ASCC3: variants seen among roughly 807,000 people sequenced by gnomAD.
ASCC3 encodes activating signal cointegrator 1 complex subunit 3.
Under a neutral mutation model 256.3 loss-of-function variants are expected in ASCC3, and 158 were observed. That is an observed-to-expected ratio of 0.62 (90% CI 0.54 to 0.70). The LOEUF (loss-of-function observed/expected upper bound fraction) is 0.70, where lower values mean the gene tolerates loss of function less well. ASCC3 is among the 30% of genes least tolerant of loss of function. ASCC3 has a pLI of 0.00. For missense variants in ASCC3, 2,259 were observed against 2,626.0 expected (o/e 0.86, Z 3.05); for synonymous variants, 948 against 883.4 (o/e 1.07, Z -1.30).
At chr6:100,614,371 A>C (rs1773554333) in intron 30 of ASCC3, among the ~76,000 whole-genome samples, 1 of 150,044 alleles carries the variant, frequency 6.7e-6, no homozygotes, top group Non-Finnish European at 1.5e-5. Context: ...CTCTCAACAA[A>C]GAGAACCTAT....
At chr6:100,824,642 C>A (rs990696638) in intron 4 of ASCC3, among the ~76,000 whole-genome samples, 2 of 151,866 alleles carry the variant, frequency 1.3e-5, no homozygotes, top group East Asian at 3.9e-4. Context: ...CTCCCCTGTT[C>A]AATAATTTTA....
At chr6:100,542,405 G>A (rs956566761) in intron 36 of ASCC3, among the ~76,000 whole-genome samples, 1 of 152,108 alleles carries the variant, frequency 6.6e-6, no homozygotes, top group Non-Finnish European at 1.5e-5. Flanking sequence ...CTGTCGGGCC[G>A]GGCGCGGTGG....
chr6:100,571,876 C>T (rs1465982177), intron 36 of ASCC3, among the ~76,000 whole-genome samples: 1 of 152,188 alleles, frequency 6.6e-6, no homozygotes, highest in South Asian at 2.1e-4. Flanking sequence ...TGGAATATGG[C>T]AGTCAGTGAA....
chr6:100,874,308 A>C (rs1389036869), intron 1 of ASCC3, among the ~76,000 whole-genome samples: 2 of 152,070 alleles, frequency 1.3e-5, no homozygotes, highest in Non-Finnish European at 2.9e-5. Context: ...TCTACTAAAA[A>C]TACAGAAATT....
At chr6:100,525,378 A>G (rs1774529540) in intron 37 of ASCC3, among the ~76,000 whole-genome samples, 2 of 151,928 alleles carry the variant, frequency 1.3e-5, no homozygotes, top group African/African-American at 4.8e-5. Flanking sequence ...AAAGTATCAC[A>G]AGAATGCAAA....
chr6:100,767,125 T>C lies in ASCC3; in HGVS notation c.1596+20A>G. Reference sequence around the variant, plus strand: ...TATTCCTTACAATTTAAAAAGCTGTTGTCTGATTTATTTACTTACCTTAAA... The same window carrying C: ...TATTCCTTACAATTTAAAAAGCTGTCGTCTGATTTATTTACTTACCTTAAA... On this transcript the variant is annotated intron_variant, in intron 9 of 41. Transcript: ENST00000369162. The C allele has an allele frequency of 6.2e-7, 1 of 1,605,426 alleles. No homozygotes were observed. The highest frequency in any genetic ancestry group is 8.5e-7 in the Non-Finnish European group (1 of 1,172,122).
chr6:100,632,630 C>T (rs926245367), intron 25 of ASCC3, among the ~76,000 whole-genome samples: 8 of 152,030 alleles, frequency 5.3e-5, no homozygotes, highest in African/African-American at 1.9e-4. Context: ...AAAAGAGGCA[C>T]ACAGACCAGT....
intron 13 of ASCC3, among the ~76,000 whole-genome samples, chr6:100,688,280 C>G (rs962262425): frequency 7.0e-6 from 1 of 143,326 alleles, no homozygotes; most frequent in Non-Finnish European, 1.5e-5. Context: ...AAAAAAAAAA[C>G]AACAACAGGA....
At position 100,601,888 on chromosome 6, in the gene ASCC3, C is replaced by T. The variant is rs1376852199; in HGVS notation, c.5225G>A (p.Gly1742Asp). 3 of 1,612,396 alleles carry T rather than the reference C, an allele frequency of 1.9e-6. No individual in the cohort carries two copies. Among genetic ancestry groups the T allele is most frequent in the Non-Finnish European group, 2.5e-6 (3 of 1,178,898 alleles). The change falls in exon 34 of 42, where the codon GGT (glycine) becomes GAT (aspartate). Residue 1742 changes from glycine (G) to aspartate (D), a missense_variant. Transcript: ENST00000369162. ...TGCATCTTGCTTAGATGTAATTGTA[C>T]CACCAGCAATCTCTGCATTTAAGTG... Reference protein sequence around the residue: ...SDHLNAEIAGGTITSKQDALD... With the variant: ...SDHLNAEIAGDTITSKQDALD...
intron 37 of ASCC3, 52 bp downstream of exon 37, chr6:100,540,111 G>C: frequency 5.4e-6 from 8 of 1,491,954 alleles, no homozygotes; most frequent in Non-Finnish European, 7.5e-6. Context: ...GAAAAAAGAG[G>C]GCAGGAATGA....
chr6:100,798,809 C>G lies in ASCC3; in HGVS notation c.1299G>C (p.Glu433Asp). ...KMILPEGIQR[E>D]NNKLYEEVRI... ...TTACTTCTTCATAAAGCTTGTTATT[C>G]TCTCTTTGGATTCCTTCTGGCAAAA... Residue 433 changes from glutamate to aspartate, a missense_variant, in exon 8 of 42, where the codon GAG becomes GAC. Transcript: ENST00000369162. 6.2e-7 allele frequency: 1 copy of G among 1,612,660 alleles called. No homozygotes were observed. Among genetic ancestry groups the G allele is most frequent in the Non-Finnish European group, 8.5e-7 (1 of 1,179,414 alleles).
intron 30 of ASCC3, among the ~76,000 whole-genome samples, chr6:100,621,258 A>G (rs1278053674): frequency 6.6e-6 from 1 of 152,162 alleles, no homozygotes; most frequent in South Asian, 2.1e-4. Context: ...AAATGACATA[A>G]TATTTCTAGC....
At chr6:100,643,277 A>G (rs1775217182) in intron 23 of ASCC3, among the ~76,000 whole-genome samples, 1 of 152,176 alleles carries the variant, frequency 6.6e-6, no homozygotes, top group Admixed American at 6.5e-5. Context: ...GAAATTACGA[A>G]TGAAGCATCA....
chr6:100,739,284 T>C (rs1406908332), intron 10 of ASCC3, among the ~76,000 whole-genome samples: 1 of 152,212 alleles, frequency 6.6e-6, no homozygotes, highest in African/African-American at 2.4e-5. Flanking sequence ...CATCCTGATA[T>C]GAAGCCAGCT....
chr6:100,551,233 T>C (rs773838642), intron 36 of ASCC3, among the ~76,000 whole-genome samples: 14 of 151,936 alleles, frequency 9.2e-5, no homozygotes, highest in Non-Finnish European at 1.9e-4. Flanking sequence ...GTATACACAA[T>C]GGTAAACAAA....
rs189613244 is a variant in ASCC3 at position 100,561,116 on chromosome 6, C to G, written c.5551-20729G>C. Among the ~76,000 whole-genome samples the G allele has an allele frequency of 4.0e-5, 6 of 148,718 alleles. No homozygotes were observed. The East Asian group carries it at 1.2e-3, about 29-fold the overall frequency. On this transcript the variant is annotated intron_variant, in intron 36 of 41. Coordinates refer to ENST00000369162, the MANE Select transcript of ASCC3 (RefSeq NM_006828.4). ...GTGGTGGATATCTGTAGATTTTTGTCTTCTCCAAAAAGAAAAAAAAAAAAA... is the reference window on the plus strand; with the variant it reads ...GTGGTGGATATCTGTAGATTTTTGTGTTCTCCAAAAAGAAAAAAAAAAAAA...
In ASCC3 at chr6:100,816,024, T is replaced by C. The variant is rs531435775; in HGVS notation, c.802-10144A>G. The stretch of plus-strand genomic sequence containing the variant: ...TTGCAAACTATGCATCCAACAAAGG[T>C]CTAATATCCAATATCTACAAGGAAC... On this transcript the variant is annotated intron_variant, in intron 4 of 41. Transcript: ENST00000369162. 4.9e-4 allele frequency among the ~76,000 whole-genome samples: 74 copies of C among 151,682 alleles called. 1 individual carries two copies. In the South Asian group the frequency reaches 9.2e-3, roughly 19 times the overall value.
chr6:100,526,846 G>A (rs1435081618), intron 37 of ASCC3, among the ~76,000 whole-genome samples: 1 of 152,148 alleles, frequency 6.6e-6, no homozygotes, highest in Non-Finnish European at 1.5e-5. Flanking sequence ...GTCTGGCCAG[G>A]AATGCAGCCT....
intron 4 of ASCC3, among the ~76,000 whole-genome samples, chr6:100,846,526 G>C (rs2114499115): frequency 6.6e-6 from 1 of 152,248 alleles, no homozygotes; most frequent in East Asian, 1.9e-4. Context: ...GCAGACTTCA[G>C]TGTGGCTTGT....
Sources: gnomAD v4.1 joint callset for allele counts (sites outside exome capture counted in the v4.1 genomes callset) on GRCh38, gnomAD v4.1.1 for gene constraint, MANE v1.5 for transcripts, NCBI Gene and HGNC (gene_info 2026-07-23, HGNC 2026-07-21) for gene names.